GNAO1: variants seen among roughly 807,000 people sequenced by gnomAD.
GNAO1 encodes G protein subunit alpha o1, also known as guanine nucleotide-binding protein G(o) subunit alpha.
For missense variants in GNAO1, 166 were observed against 478.7 expected (o/e 0.35, Z 6.10); for synonymous variants, 164 against 180.7 (o/e 0.91, Z 0.74).
intron 5 of GNAO1, among the ~76,000 whole-genome samples, chr16:56,335,949 T>G (rs571670038): frequency 1.3e-5 from 2 of 152,302 alleles, no homozygotes; most frequent in African/African-American, 4.8e-5. Context: ...CTCCGTTGTG[T>G]CCGGTGGGAC....
At chr16:56,221,540 C>G (rs1473485778) in intron 2 of GNAO1, among the ~76,000 whole-genome samples, 1 of 151,504 alleles carries the variant, frequency 6.6e-6, no homozygotes, top group Non-Finnish European at 1.5e-5. Context: ...ATCCCAGCTA[C>G]TCAGGAGGCT....
At chr16:56,201,774 T>C (rs528127612) in intron 2 of GNAO1, among the ~76,000 whole-genome samples, 1 of 152,308 alleles carries the variant, frequency 6.6e-6, no homozygotes, top group African/African-American at 2.4e-5. Context: ...CCAGGATTCC[T>C]GGTTTGGGCT....
chr16:56,193,561 C>T (rs2036202210), intron 2 of GNAO1: 1 of 156,356 alleles, frequency 6.4e-6, no homozygotes, highest in Non-Finnish European at 1.4e-5. Context: ...TCCTAATTAA[C>T]TGGGGGTGGA....
At chr16:56,345,106 T>G in intron 6 of GNAO1, 3 of 985,580 alleles carry the variant, frequency 3.0e-6, no homozygotes, top group Non-Finnish European at 3.6e-6. Context: ...AGAGGAGGCT[T>G]CACTGCGGAG....
At chr16:56,218,799 G>A (rs980318885) in intron 2 of GNAO1, among the ~76,000 whole-genome samples, 4 of 152,042 alleles carry the variant, frequency 2.6e-5, no homozygotes, top group Admixed American at 2.6e-4. Flanking sequence ...CCTGCTTTTT[G>A]CTTGGCCAAA....
chr16:56,280,331 G>A (rs1567467395), intron 3 of GNAO1, among the ~76,000 whole-genome samples: 1 of 152,216 alleles, frequency 6.6e-6, no homozygotes, highest in African/African-American at 2.4e-5. Flanking sequence ...AACATGGTTG[G>A]TAATGAGGGA....
intron 2 of GNAO1, among the ~76,000 whole-genome samples, chr16:56,213,828 A>G (rs997434380): frequency 3.4e-5 from 5 of 147,274 alleles, no homozygotes; most frequent in Non-Finnish European, 7.4e-5. Context: ...ATATGTCTGG[A>G]GTCACAAAAA....
chr16:56,324,347 C>A (rs539298158), intron 3 of GNAO1, among the ~76,000 whole-genome samples: 1 of 152,308 alleles, frequency 6.6e-6, no homozygotes, highest in Non-Finnish European at 1.5e-5. Flanking sequence ...GCCTCGCAGG[C>A]GTCCCCAACC....
intron 3 of GNAO1, among the ~76,000 whole-genome samples, chr16:56,325,468 C>G (rs1251433836): frequency 6.6e-6 from 1 of 152,200 alleles, no homozygotes; most frequent in Non-Finnish European, 1.5e-5. Flanking sequence ...AAGAGCAAAA[C>G]TCCATCTCAA....
At chr16:56,256,983 G>C (rs2036856831) in intron 2 of GNAO1, among the ~76,000 whole-genome samples, 1 of 152,172 alleles carries the variant, frequency 6.6e-6, no homozygotes, top group African/African-American at 2.4e-5. Context: ...TGGTGGGAAA[G>C]TTGTTTGTTC....
chr16:56,344,409 G>C, intron 6 of GNAO1: 2 of 1,010,926 alleles, frequency 2.0e-6, no homozygotes, highest in Non-Finnish European at 2.4e-6. Flanking sequence ...CTGGTGGAGG[G>C]CAGTTCCGTC....
intron 2 of GNAO1, among the ~76,000 whole-genome samples, chr16:56,223,435 T>G (rs940262217): frequency 6.6e-6 from 1 of 152,252 alleles, no homozygotes; most frequent in South Asian, 2.1e-4. Flanking sequence ...AAAGGTTCTC[T>G]GCTTTTAAGG....
intron 2 of GNAO1, among the ~76,000 whole-genome samples, chr16:56,231,333 C>G (rs1404626343): frequency 1.3e-5 from 2 of 152,210 alleles, no homozygotes; most frequent in African/African-American, 4.8e-5. Flanking sequence ...TCACCTCTTC[C>G]AAGAGGCCTT....
intron 3 of GNAO1, among the ~76,000 whole-genome samples, chr16:56,322,976 G>C (rs566200293): frequency 6.6e-6 from 1 of 152,310 alleles, no homozygotes; most frequent in African/African-American, 2.4e-5. Flanking sequence ...AACGATCCCT[G>C]CCCTGAGGAC....
chr16:56,342,458 G>A (rs2037815231), intron 6 of GNAO1, among the ~76,000 whole-genome samples: 1 of 152,214 alleles, frequency 6.6e-6, no homozygotes, highest in Admixed American at 6.5e-5. Context: ...AGGGCCTTCA[G>A]TGCAAAGCTG....
At chr16:56,343,840 A>C (rs1596877500) in intron 6 of GNAO1, 2 of 1,613,762 alleles carry the variant, frequency 1.2e-6, no homozygotes, top group Admixed American at 1.7e-5. Context: ...CCACAAAGAG[A>C]TCTACACCCA....
chr16:56,323,845 G>A (rs2037602134), intron 3 of GNAO1, among the ~76,000 whole-genome samples: 1 of 152,174 alleles, frequency 6.6e-6, no homozygotes, highest in East Asian at 1.9e-4. Flanking sequence ...GGGAACCATG[G>A]AGGCCTGGAC....
chr16:56,264,363 G>C (rs1286150251), intron 2 of GNAO1, among the ~76,000 whole-genome samples: 1 of 152,224 alleles, frequency 6.6e-6, no homozygotes, highest in African/African-American at 2.4e-5. Flanking sequence ...CAGCTGGCCT[G>C]TGCAGCCCCC....
chr16:56,302,992 C>G (rs1466039177), intron 3 of GNAO1: 1 of 152,248 alleles, frequency 6.6e-6, no homozygotes, highest in Non-Finnish European at 1.5e-5. Context: ...CAGCACACAC[C>G]TGGTATCTAC....
Sources: gnomAD v4.1 joint callset for allele counts (sites outside exome capture counted in the v4.1 genomes callset) on GRCh38, gnomAD v4.1.1 for gene constraint, MANE v1.5 for transcripts, NCBI Gene and HGNC (gene_info 2026-07-23, HGNC 2026-07-21) for gene names.